PLXNA4: variants seen among roughly 807,000 people sequenced by gnomAD.
PLXNA4 encodes plexin A4.
In PLXNA4, 44 loss-of-function variants were observed where a neutral mutation model predicts 191.8. The observed-to-expected ratio is 0.23, with a 90% CI of 0.18 to 0.29. The LOEUF (loss-of-function observed/expected upper bound fraction) is 0.29. Ranked by LOEUF, PLXNA4 falls within the 10% of genes least tolerant of loss-of-function variation. The pLI, the probability that PLXNA4 is intolerant of heterozygous loss-of-function variation, is 1.00. For synonymous variants in PLXNA4, 1,082 were observed against 1,009.5 expected (o/e 1.07, Z -1.36); for missense variants, 1,800 against 2,488.8 (o/e 0.72, Z 5.89).
intron 3 of PLXNA4, among the ~76,000 whole-genome samples, chr7:132,361,295 G>T (rs1301894930): frequency 6.6e-6 from 1 of 152,184 alleles, no homozygotes; most frequent in Non-Finnish European, 1.5e-5. Context: ...ACGATGCCTT[G>T]TGTGTGCACT....
chr7:132,172,894 A>G (rs1796335641), intron 21 of PLXNA4, among the ~76,000 whole-genome samples: 2 of 152,176 alleles, frequency 1.3e-5, no homozygotes, highest in Admixed American at 1.3e-4. Flanking sequence ...ATTATTCTCC[A>G]TCCCATCCAC....
At chr7:132,257,287 G>T (rs1799466779) in intron 4 of PLXNA4, among the ~76,000 whole-genome samples, 1 of 152,188 alleles carries the variant, frequency 6.6e-6, no homozygotes, top group Admixed American at 6.5e-5. Flanking sequence ...GAGTTGGCTT[G>T]GAGAATTTCC....
At chr7:132,406,493 C>T (rs1281069409) in intron 3 of PLXNA4, among the ~76,000 whole-genome samples, 1 of 152,178 alleles carries the variant, frequency 6.6e-6, no homozygotes, top group African/African-American at 2.4e-5. Context: ...AACCCAGGAG[C>T]CTCCTGACCA....
chr7:132,272,383 T>A (rs1800111006), intron 4 of PLXNA4, among the ~76,000 whole-genome samples: 2 of 152,242 alleles, frequency 1.3e-5, no homozygotes, highest in South Asian at 2.1e-4. Context: ...CTAATTTTTT[T>A]AAGCACTGCT....
At chr7:132,484,375 A>T (rs2117496638) in intron 3 of PLXNA4, among the ~76,000 whole-genome samples, 1 of 152,302 alleles carries the variant, frequency 6.6e-6, no homozygotes, top group African/African-American at 2.4e-5. Flanking sequence ...ACGCTGGCAC[A>T]CCTGTGGGAT....
intron 3 of PLXNA4, among the ~76,000 whole-genome samples, chr7:132,469,042 C>A (rs1563116820): frequency 1.4e-5 from 2 of 142,912 alleles, no homozygotes; most frequent in Non-Finnish European, 3.0e-5. Flanking sequence ...TCAGTCTCCA[C>A]ATATCCCTCA....
rs117200928 is a variant in PLXNA4 at position 132,422,058 on chromosome 7, G to C, written c.1371+67234C>G. On this transcript the variant is annotated intron_variant, in intron 3 of 31. Coordinates refer to ENST00000321063, the MANE Select transcript of PLXNA4 (RefSeq NM_020911.2). ...GGAAGTCGTTGTCAAATAGACACCT[G>C]TAGTCACAGAAAAACGGTTATACTC... 9.5e-3 allele frequency among the ~76,000 whole-genome samples: 1,440 copies of C among 152,308 alleles called. 15 individuals are homozygous for C. The highest frequency in any genetic ancestry group is 0.037 in the Middle Eastern group (11 of 294).
intron 1 of PLXNA4, among the ~76,000 whole-genome samples, chr7:132,647,924 C>T (rs899219576): frequency 2.6e-5 from 4 of 151,984 alleles, no homozygotes; most frequent in African/African-American, 9.7e-5. Flanking sequence ...GTCATACACT[C>T]ACACTCATAC....
At chr7:132,598,441 C>T (rs1029220784) in intron 2 of PLXNA4, among the ~76,000 whole-genome samples, 8 of 152,206 alleles carry the variant, frequency 5.3e-5, no homozygotes, top group African/African-American at 1.9e-4. Context: ...TGAGATTTTC[C>T]ATATTCCTGC....
intron 9 of PLXNA4, among the ~76,000 whole-genome samples, chr7:132,215,297 A>G (rs1258360636): frequency 1.3e-5 from 2 of 152,252 alleles, no homozygotes; most frequent in Non-Finnish European, 2.9e-5. Context: ...GCTATGAGAC[A>G]GGAGATCTGC....
chr7:132,146,079 C>CAA lies in PLXNA4; in HGVS notation c.5055+429_5055+430dup, dbSNP rs67412588. Among the ~76,000 whole-genome samples the CAA allele has an allele frequency of 5.5e-3, 271 of 48,926 alleles. 5 individuals carry two copies. The highest frequency in any genetic ancestry group is 0.045 in the Middle Eastern group (2 of 44). The allele number at this position is 48,926 out of a possible 152,430, so 32.1% of individuals were successfully genotyped here. On this transcript the variant is annotated intron_variant, in intron 28 of 31. Coordinates refer to ENST00000321063, the MANE Select transcript of PLXNA4 (RefSeq NM_020911.2). The stretch of plus-strand genomic sequence containing the variant: ...TGGGTGACAGAACAAGACTCTGTCT[C>CAA]AAAAAAAAAAAAAAAAAAAAAAAAG...
intron 2 of PLXNA4, 145 bp downstream of exon 2, chr7:132,507,361 G>A: frequency 1.1e-6 from 1 of 893,446 alleles, no homozygotes; most frequent in East Asian, 2.7e-5. Context: ...GACACTCTGG[G>A]TCCAATGAGA....
chr7:132,414,730 G>A (rs1794596905), intron 3 of PLXNA4, among the ~76,000 whole-genome samples: 1 of 152,130 alleles, frequency 6.6e-6, no homozygotes, highest in African/African-American at 2.4e-5. Context: ...GTTCAAGGTG[G>A]CAAGAAGAAC....
chr7:132,365,610 C>T (rs1369685469), intron 3 of PLXNA4, among the ~76,000 whole-genome samples: 1 of 152,060 alleles, frequency 6.6e-6, no homozygotes, highest in Non-Finnish European at 1.5e-5. Context: ...GGCATTTTTA[C>T]ATGAGGCAGA....
chr7:132,375,268 C>T (rs957168619), intron 3 of PLXNA4, among the ~76,000 whole-genome samples: 11 of 144,622 alleles, frequency 7.6e-5, no homozygotes, highest in African/African-American at 2.7e-4. Context: ...GGTCCTTCCC[C>T]TTAACTCCAT....
At chr7:132,540,397 A>T (rs964639905) in intron 1 of PLXNA4, among the ~76,000 whole-genome samples, 6 of 151,984 alleles carry the variant, frequency 3.9e-5, no homozygotes, top group Non-Finnish European at 5.9e-5. Flanking sequence ...CAATTGCTTC[A>T]ATTGCCCTAG....
intron 23 of PLXNA4, 120 bp from the exon 24 acceptor site, chr7:132,164,408 T>A (rs1301744613): frequency 7.1e-7 from 1 of 1,417,114 alleles, no homozygotes; most frequent in Non-Finnish European, 9.4e-7. Flanking sequence ...TGCCCCCACC[T>A]GCTTTTATAC....
rs180713370 is a variant in PLXNA4 at position 132,290,075 on chromosome 7, C to T, written c.1503+8016G>A. Among the ~76,000 whole-genome samples, 59 of 152,330 alleles carry T rather than the reference C, an allele frequency of 3.9e-4. No homozygotes were observed. The East Asian group carries it at 0.011, about 27-fold the overall frequency. On this transcript the variant is annotated intron_variant, in intron 4 of 31. Transcript: ENST00000321063. ...AGGCCCCACAGGCGTCCGCATCCTG[C>T]TTTATAGCAAGGACTTGAGCACCGG...
At chr7:132,271,883 A>C (rs1311248548) in intron 4 of PLXNA4, among the ~76,000 whole-genome samples, 8 of 152,248 alleles carry the variant, frequency 5.3e-5, no homozygotes, top group African/African-American at 1.7e-4. Context: ...GGTAAAAGGA[A>C]AGAAAGAAAA....
Sources: gnomAD v4.1 joint callset for allele counts (sites outside exome capture counted in the v4.1 genomes callset) on GRCh38, gnomAD v4.1.1 for gene constraint, MANE v1.5 for transcripts, NCBI Gene and HGNC (gene_info 2026-07-23, HGNC 2026-07-21) for gene names.